The following FARS2 variants were observed in gnomAD, a reference collection of about 807,000 sequenced individuals.
The protein encoded by FARS2 is phenylalanyl-tRNA synthetase 2, mitochondrial.
In FARS2, 40 loss-of-function variants were observed where a neutral mutation model predicts 46.4. The ratio of observed to expected loss-of-function variants is 0.86; its 90% CI spans 0.67 to 1.12. The LOEUF is 1.12. Among genes scored for constraint, FARS2 ranks in the 50% most tolerant of loss-of-function variants. FARS2 has a pLI of 0.00. For synonymous variants in FARS2, 234 were observed against 214.9 expected (o/e 1.09, Z -0.78); for missense variants, 513 against 567.9 (o/e 0.90, Z 0.98).
chr6:5,648,818 C>T (rs1015710600), intron 6 of FARS2, among the ~76,000 whole-genome samples: 2 of 152,180 alleles, frequency 1.3e-5, no homozygotes, highest in Non-Finnish European at 2.9e-5. Context: ...TGGTGCCCCT[C>T]TCCCCTCACT....
At position 5,765,963 on chromosome 6, in the gene FARS2, A is replaced by T. The variant is rs1019240826; in HGVS notation, c.1218-5328A>T. ...CTAAGATGCCTATACCAAAATCTTT[A>T]AAAAAAATCAAACTCTATCCAGTGA... On this transcript the variant is annotated intron_variant, in intron 6 of 6. Transcript: ENST00000274680. The surrounding 1 kb of genome is among the most constrained non-coding windows in gnomAD (Gnocchi z 4.0). Among the ~76,000 whole-genome samples the T allele has an allele frequency of 9.2e-5, 14 of 152,024 alleles. No individual in the cohort carries two copies. The highest frequency in any genetic ancestry group is 1.4e-4 in the African/African-American group (6 of 41,400).
intron 5 of FARS2, among the ~76,000 whole-genome samples, chr6:5,545,714 G>A (rs1448749914): frequency 6.6e-6 from 1 of 152,142 alleles, no homozygotes; most frequent in Non-Finnish European, 1.5e-5. Flanking sequence ...GTGGTGTCTG[G>A]TTTTCTGTTT....
chr6:5,704,700 A>G (rs972724858), intron 6 of FARS2, among the ~76,000 whole-genome samples: 2 of 152,206 alleles, frequency 1.3e-5, no homozygotes, highest in African/African-American at 4.8e-5. Flanking sequence ...TTAAGCTTCT[A>G]CTGTGCCTGT....
At chr6:5,681,351 G>A (rs1779022616) in intron 6 of FARS2, among the ~76,000 whole-genome samples, 2 of 152,210 alleles carry the variant, frequency 1.3e-5, no homozygotes, top group Non-Finnish European at 2.9e-5. Context: ...AAAGGGTAAA[G>A]AGAAGAATAT....
intron 5 of FARS2, among the ~76,000 whole-genome samples, chr6:5,602,345 T>C (rs374568416): frequency 6.6e-6 from 1 of 152,242 alleles, no homozygotes; most frequent in East Asian, 1.9e-4. Context: ...TATTCAGTCA[T>C]GGAACGATAA....
chr6:5,576,850 G>T (rs535761608), intron 5 of FARS2, among the ~76,000 whole-genome samples: 18 of 150,170 alleles, frequency 1.2e-4, no homozygotes, highest in African/African-American at 3.7e-4. Flanking sequence ...TTTTAATTTT[G>T]AACCTCTTAT....
chr6:5,373,542 A>G (rs945609723), intron 2 of FARS2, among the ~76,000 whole-genome samples: 1 of 151,994 alleles, frequency 6.6e-6, no homozygotes, highest in Non-Finnish European at 1.5e-5. Context: ...TAAATAGAGG[A>G]CTCAAGAGTA....
chr6:5,456,266 G>A (rs1023829729), intron 4 of FARS2, among the ~76,000 whole-genome samples: 2 of 152,056 alleles, frequency 1.3e-5, no homozygotes, highest in Non-Finnish European at 2.9e-5. Context: ...TGCCTACTAT[G>A]TGCCAGGTAC....
chr6:5,662,022 TATTTTACATTGAATGAAAAAGAA>T (rs527495453), intron 6 of FARS2, among the ~76,000 whole-genome samples: 75 of 152,222 alleles, frequency 4.9e-4, no homozygotes, highest in African/African-American at 1.7e-3. Flanking sequence ...GACAAAAGGG[TATTTTACATTGAATGAAAAAGAA>T]AAGGAAAAAT....
intron 1 of FARS2, among the ~76,000 whole-genome samples, chr6:5,274,315 T>A (rs1261990022): frequency 6.6e-6 from 1 of 152,230 alleles, no homozygotes; most frequent in East Asian, 1.9e-4. Flanking sequence ...GGTCTTAGGC[T>A]TCATAGTGAT....
intron 5 of FARS2, among the ~76,000 whole-genome samples, chr6:5,574,625 T>A (rs928419757): frequency 9.2e-5 from 14 of 152,184 alleles, no homozygotes; most frequent in African/African-American, 3.1e-4. Flanking sequence ...TTGCAGTAAA[T>A]ATGTTCTATA....
intron 6 of FARS2, among the ~76,000 whole-genome samples, chr6:5,732,381 G>T (rs1165857686): frequency 6.6e-6 from 1 of 152,066 alleles, no homozygotes; most frequent in Non-Finnish European, 1.5e-5. Context: ...GTTAAGGCTT[G>T]GGAAAGCCTC....
chr6:5,733,642 G>A (rs1760782781), intron 6 of FARS2, among the ~76,000 whole-genome samples: 1 of 152,150 alleles, frequency 6.6e-6, no homozygotes, highest in South Asian at 2.1e-4. Context: ...GAACATGTAA[G>A]GATTAGTAGC....
At chr6:5,521,773 A>G (rs1769154682) in intron 4 of FARS2, among the ~76,000 whole-genome samples, 1 of 152,102 alleles carries the variant, frequency 6.6e-6, no homozygotes, top group Admixed American at 6.5e-5. Flanking sequence ...CAGACATTCA[A>G]GGATTTTCTT....
intron 6 of FARS2, 131 bp downstream of exon 6, chr6:5,613,451 T>A: frequency 3.1e-6 from 2 of 653,546 alleles, no homozygotes; most frequent in Non-Finnish European, 5.0e-6. Flanking sequence ...GTAGTGAATG[T>A]ATAGCTTATC....
chr6:5,595,639 G>T (rs529770352), intron 5 of FARS2, among the ~76,000 whole-genome samples: 1 of 152,340 alleles, frequency 6.6e-6, no homozygotes, highest in Admixed American at 6.5e-5. Context: ...CCAGGTTACA[G>T]ACTGGGATGG....
chr6:5,525,645 A>C (rs1221812386), intron 4 of FARS2, among the ~76,000 whole-genome samples: 2 of 152,238 alleles, frequency 1.3e-5, no homozygotes, highest in Non-Finnish European at 2.9e-5. Flanking sequence ...TAAGATTTAA[A>C]AATAAGGAGG....
At chr6:5,753,573 A>G (rs1001209220) in intron 6 of FARS2, among the ~76,000 whole-genome samples, 3 of 152,208 alleles carry the variant, frequency 2.0e-5, no homozygotes, top group Admixed American at 1.3e-4. Context: ...CTCTCTTGCC[A>G]CCTATCACCT....
chr6:5,637,118 C>T (rs1176712109), intron 6 of FARS2, among the ~76,000 whole-genome samples: 1 of 152,244 alleles, frequency 6.6e-6, no homozygotes, highest in African/African-American at 2.4e-5. Flanking sequence ...GCCCTCCCGG[C>T]CTCAGTGGCG....
Sources: gnomAD v4.1 joint callset for allele counts (sites outside exome capture counted in the v4.1 genomes callset) on GRCh38, gnomAD v4.1.1 for gene constraint, Gnocchi (gnomAD v3.1) non-coding constraint, MANE v1.5 for transcripts, NCBI Gene and HGNC (gene_info 2026-07-23, HGNC 2026-07-21) for gene names.